Variants in DNER observed in about 807,000 individuals in gnomAD.
The protein encoded by DNER is delta/notch like EGF repeat containing.
Under a neutral mutation model 78.2 loss-of-function variants are expected in DNER, and 33 were observed. That is an observed-to-expected ratio of 0.42 (90% confidence interval 0.32 to 0.56). The LOEUF is 0.56. DNER is among the 20% of genes least tolerant of loss of function. The pLI, the probability that DNER is intolerant of heterozygous loss-of-function variation, is 0.11. For missense variants in DNER, 918 were observed against 975.3 expected, an observed-to-expected ratio of 0.94 and a Z score of 0.78; for synonymous variants, 417 against 384.8, an observed-to-expected ratio of 1.08 and a Z score of -0.98.
intron 1 of DNER, among the ~76,000 whole-genome samples, chr2:229,695,573 C>A (rs1699650900): frequency 6.6e-6 from 1 of 151,094 alleles, no homozygotes; most frequent in Non-Finnish European, 1.5e-5. Context: ...TTTTCTTCTG[C>A]AGAATTAGTG....
intron 11 of DNER, among the ~76,000 whole-genome samples, chr2:229,387,509 G>GAAAGAGAGAA (rs1553602522): frequency 1.1e-3 from 80 of 76,166 alleles, no homozygotes; most frequent in Non-Finnish European, 1.3e-3. Flanking sequence ...GAAAGAAAGA[G>GAAAGAGAGAA]AGAAAGAAAG....
Position 229,619,090 on chromosome 2 carries a change from A to G in DNER, c.277-27202T>C, listed in dbSNP as rs1698212208. On this transcript the variant is annotated intron_variant, in intron 1 of 12. Coordinates refer to ENST00000341772, the MANE Select transcript of DNER (RefSeq NM_139072.4). Reference sequence around the variant, plus strand: ...CTTGAGCCAAGGAGTTCGAGGTCACATTGTGTCACTGCATTCCAGCCTGGG... The same window carrying G: ...CTTGAGCCAAGGAGTTCGAGGTCACGTTGTGTCACTGCATTCCAGCCTGGG... Among the ~76,000 whole-genome samples the G allele has an allele frequency of 2.0e-5, 3 of 152,148 alleles. 1 individual carries two copies. In the South Asian group the frequency reaches 6.2e-4, roughly 32 times the overall value.
chr2:229,464,959 T>C (rs1231777457), intron 7 of DNER, among the ~76,000 whole-genome samples: 1 of 152,106 alleles, frequency 6.6e-6, no homozygotes, highest in Non-Finnish European at 1.5e-5. Context: ...AGTCAGAATC[T>C]GGAGAAAAGG....
chr2:229,636,939 C>T (rs1698540801), intron 1 of DNER, among the ~76,000 whole-genome samples: 1 of 152,056 alleles, frequency 6.6e-6, no homozygotes, highest in Non-Finnish European at 1.5e-5. Context: ...TTAATTTGAT[C>T]CCTGAAATGA....
intron 5 of DNER, among the ~76,000 whole-genome samples, chr2:229,530,206 C>A (rs1696277726): frequency 6.6e-6 from 1 of 152,172 alleles, no homozygotes; most frequent in Admixed American, 6.5e-5. Flanking sequence ...CTATAAGCAG[C>A]TACAGGTACT....
chr2:229,594,479 A>G (rs1697667748), intron 1 of DNER, among the ~76,000 whole-genome samples: 1 of 152,070 alleles, frequency 6.6e-6, no homozygotes, highest in African/African-American at 2.4e-5. Flanking sequence ...CCCAGCTACT[A>G]GAGAGGCTAA....
chr2:229,705,583 G>A (rs143685518), intron 1 of DNER, among the ~76,000 whole-genome samples: 5 of 152,230 alleles, frequency 3.3e-5, no homozygotes, highest in African/African-American at 1.2e-4. Flanking sequence ...GCAGTCTGAG[G>A]CACAGCAGTA....
rs751987196 is a variant in DNER at position 229,591,896 on chromosome 2, G to A, written c.277-8C>T. The A allele has an allele frequency of 1.5e-5, 23 of 1,537,120 alleles. No individual in the cohort carries two copies. Among genetic ancestry groups the A allele is most frequent in the African/African-American group, 2.7e-5 (2 of 72,788 alleles). On this transcript the variant is annotated splice_polypyrimidine_tract_variant and splice_region_variant and intron_variant, in intron 1 of 12. Coordinates refer to ENST00000341772, the MANE Select transcript of DNER (RefSeq NM_139072.4). The surrounding 1 kb of genome is among the most constrained non-coding windows in gnomAD (Gnocchi z 4.6). ...ACAAGGATCTGCAACAAGCTGAAAC[G>A]AGACCATAAATGGGTCAATTATTCC...
Position 229,493,192 on chromosome 2 carries a change from G to A in DNER, c.1148-15939C>T, listed in dbSNP as rs76948767. ...CGCGCAACAACATTCCCGTTGCCTCGGAAATAACGAGTTTTTAAAAATAGG... is the reference window on the plus strand; with the variant it reads ...CGCGCAACAACATTCCCGTTGCCTCAGAAATAACGAGTTTTTAAAAATAGG... On this transcript the variant is annotated intron_variant, in intron 6 of 12. Coordinates refer to ENST00000341772, the MANE Select transcript of DNER (RefSeq NM_139072.4). 9.9e-5 allele frequency among the ~76,000 whole-genome samples: 15 copies of A among 152,224 alleles called. No individual in the cohort carries two copies. The East Asian group carries it at 1.9e-3, about 20-fold the overall frequency.
At chr2:229,471,961 A>G (rs536648309) in intron 7 of DNER, among the ~76,000 whole-genome samples, 1 of 152,318 alleles carries the variant, frequency 6.6e-6, no homozygotes, top group South Asian at 2.1e-4. Context: ...CCTCCAGGCC[A>G]GAGAACGACA....
At chr2:229,359,834 T>C (rs759786923) in intron 12 of DNER, among the ~76,000 whole-genome samples, 15 of 152,318 alleles carry the variant, frequency 9.8e-5, no homozygotes, top group Middle Eastern at 3.4e-3. Context: ...TCCTCTCAAA[T>C]TTTACTGGCC....
chr2:229,595,981 C>T (rs1200901982), intron 1 of DNER, among the ~76,000 whole-genome samples: 2 of 137,860 alleles, frequency 1.5e-5, no homozygotes, highest in Non-Finnish European at 3.3e-5. Context: ...CCCTTCTTTC[C>T]TTGCTTTTTT....
chr2:229,550,050 C>G (rs755834543), intron 4 of DNER, among the ~76,000 whole-genome samples: 1 of 151,684 alleles, frequency 6.6e-6, no homozygotes, highest in African/African-American at 2.4e-5. Flanking sequence ...TGGACTGCAG[C>G]GGCATAATCT....
At chr2:229,501,851 A>G (rs1695630125) in intron 6 of DNER, among the ~76,000 whole-genome samples, 1 of 152,206 alleles carries the variant, frequency 6.6e-6, no homozygotes, top group Non-Finnish European at 1.5e-5. Context: ...CAATTTTCCT[A>G]TGGAAAAATA....
At chr2:229,396,775 T>C (rs1693153349) in intron 10 of DNER, among the ~76,000 whole-genome samples, 1 of 152,196 alleles carries the variant, frequency 6.6e-6, no homozygotes, top group African/African-American at 2.4e-5. Flanking sequence ...ACCTCAGATG[T>C]GGGTCTGTCT....
At chr2:229,594,952 TAAAAAAAAAAAAAAAAAAA>T (rs200824543) in intron 1 of DNER, among the ~76,000 whole-genome samples, 10 of 102,692 alleles carry the variant, frequency 9.7e-5, no homozygotes, top group East Asian at 8.9e-4. Flanking sequence ...AAATGCTGTT[TAAAAAAAAAAAAAAAAAAA>T]AAAAAAAAAA....
At chr2:229,568,111 TC>T (rs1402102834) in intron 4 of DNER, among the ~76,000 whole-genome samples, 3,377 of 152,228 alleles carry the variant, frequency 0.022, 138 homozygotes, top group African/African-American at 0.077. Context: ...AAAGAAAAAA[TC>T]ATCAAGCATA....
At chr2:229,618,520 T>C (rs751642402) in intron 1 of DNER, among the ~76,000 whole-genome samples, 1 of 152,186 alleles carries the variant, frequency 6.6e-6, no homozygotes, top group Non-Finnish European at 1.5e-5. Flanking sequence ...TCACGCAGCA[T>C]GTGATGTAGC....
intron 1 of DNER, among the ~76,000 whole-genome samples, chr2:229,658,950 T>G (rs1698959601): frequency 6.6e-6 from 1 of 152,182 alleles, no homozygotes; most frequent in African/African-American, 2.4e-5. Context: ...AGGTTTCTAC[T>G]GAAAGAAATG....
Sources: gnomAD v4.1 joint callset for allele counts (sites outside exome capture counted in the v4.1 genomes callset) on GRCh38, gnomAD v4.1.1 for gene constraint, Gnocchi (gnomAD v3.1) non-coding constraint, MANE v1.5 for transcripts, NCBI Gene and HGNC (gene_info 2026-07-23, HGNC 2026-07-21) for gene names.